The following RICTOR variants were observed in gnomAD, a reference collection of about 807,000 sequenced individuals.
RICTOR encodes the protein RPTOR independent companion of MTOR complex 2.
RICTOR carries 49 observed loss-of-function variants against 214.9 expected under a neutral mutation model. The ratio of observed to expected loss-of-function variants is 0.23; its 90% confidence interval spans 0.18 to 0.29. RICTOR has a LOEUF of 0.29. Ranked by LOEUF, RICTOR falls within the 10% of genes least tolerant of loss-of-function variation. RICTOR has a pLI of 1.00. For synonymous variants in RICTOR, 717 were observed against 711.3 expected (o/e 1.01, Z -0.13); for missense variants, 1,625 against 2,047.0 (o/e 0.79, Z 3.98).
chr5:39,046,491 C>T (rs1205457871), intron 2 of RICTOR, among the ~76,000 whole-genome samples: 1 of 144,084 alleles, frequency 6.9e-6, no homozygotes, highest in Admixed American at 7.0e-5. Flanking sequence ...ATTCTTACCT[C>T]ATCATCTCCT....
chr5:39,027,800 G>C (rs1002074620), intron 2 of RICTOR, among the ~76,000 whole-genome samples: 7 of 152,076 alleles, frequency 4.6e-5, no homozygotes, highest in African/African-American at 1.7e-4. Context: ...TTAGTATAAA[G>C]TTAATTATCT....
chr5:39,051,829 A>G (rs1204413576), intron 2 of RICTOR, among the ~76,000 whole-genome samples: 1 of 152,212 alleles, frequency 6.6e-6, no homozygotes, highest in East Asian at 1.9e-4. Context: ...TTAGGAATGT[A>G]TATTTTCAAA....
rs1217157165 is a variant in RICTOR at position 38,945,673 on chromosome 5, C to T, written c.4451G>A (p.Arg1484Gln). 1.9e-6 allele frequency: 3 copies of T among 1,613,858 alleles called. No homozygotes were observed. Among genetic ancestry groups the T allele is most frequent in the South Asian group, 1.1e-5 (1 of 91,074 alleles). ...TATTTCCGTAAGACTCATCTGCTGT[C>T]GTAGCAAGTGAAAAGAATTTTTTAC... ...GLVKNSFHLL[R>Q]QQMSLTEIMN... is the part of the protein sequence containing the mutation. Residue 1484 changes from arginine to glutamine, a missense_variant, in exon 34 of 38, where the codon CGA (arginine) becomes CAA (glutamine). Transcript: ENST00000357387.
chr5:39,044,065 T>C (rs1350002260), intron 2 of RICTOR, among the ~76,000 whole-genome samples: 1 of 152,204 alleles, frequency 6.6e-6, no homozygotes, highest in East Asian at 1.9e-4. Flanking sequence ...ATTTGACTTT[T>C]ACACAATGTA....
rs780472980 is a variant in RICTOR, at chr5:38,944,457, A to G, written c.4902T>C (p.Thr1634=). The G allele has an allele frequency of 2.5e-6, 4 of 1,602,614 alleles. No homozygotes were observed. The highest frequency in any genetic ancestry group is 3.4e-6 in the Non-Finnish European group (4 of 1,176,932). The part of the protein sequence containing the change: ...SSSVSTKCHE[T]GLLTIKEKYP... ...CATAGTTTACTCACGTTAAAAGCCCAGTCTCATGACATTTAGTTGAAACTG... is the reference window on the plus strand; with the variant it reads ...CATAGTTTACTCACGTTAAAAGCCCGGTCTCATGACATTTAGTTGAAACTG... Residue 1634 remains threonine (T), a synonymous_variant, in exon 36 of 38, where the codon ACT becomes ACC. Transcript: ENST00000357387.
intron 10 of RICTOR, among the ~76,000 whole-genome samples, chr5:38,972,237 C>G (rs956951119): frequency 5.3e-5 from 8 of 152,190 alleles, no homozygotes; most frequent in Non-Finnish European, 8.8e-5. Context: ...GCCTGATGAA[C>G]TCTTCTCTGG....
chr5:39,021,210 A>G, intron 2 of RICTOR, 74 bp from the exon 3 acceptor site: 3 of 836,436 alleles, frequency 3.6e-6, no homozygotes, highest in Middle Eastern at 2.3e-4. Context: ...AACATGCAGT[A>G]TTAAAACTTC....
chr5:38,987,371 T>C (rs1251839497), intron 7 of RICTOR, among the ~76,000 whole-genome samples: 1 of 152,208 alleles, frequency 6.6e-6, no homozygotes, highest in Non-Finnish European at 1.5e-5. Context: ...TTTTGGTTGG[T>C]AGACTATTAA....
chr5:38,958,937 T>C (rs1333206376), intron 22 of RICTOR, 106 bp from the exon 23 acceptor site: 2 of 829,430 alleles, frequency 2.4e-6, no homozygotes, highest in Non-Finnish European at 3.5e-6. Context: ...GAAGAATGCC[T>C]GGAATTGGTG....
At chr5:38,980,029 A>T (rs1751575712) in intron 8 of RICTOR, among the ~76,000 whole-genome samples, 1 of 152,136 alleles carries the variant, frequency 6.6e-6, no homozygotes, top group Non-Finnish European at 1.5e-5. Context: ...TCCTGTTCAA[A>T]CTGAATTTTA....
At position 38,954,866 on chromosome 5, in the gene RICTOR, T is replaced by C. The variant is rs1156477132; in HGVS notation, c.2610-5A>G. On this transcript the variant is annotated splice_region_variant and splice_polypyrimidine_tract_variant and intron_variant, in intron 26 of 37. Transcript: ENST00000357387. ...TAGACGTGAGGACGCTGTAATCTAG[T>C]ATAATAAAGATGATTACTATATCTC... The C allele has an allele frequency of 6.8e-7, 1 of 1,464,230 alleles. No individual in the cohort carries two copies. The highest frequency in any genetic ancestry group is 9.5e-7 in the Non-Finnish European group (1 of 1,048,572). The allele number at this position is 1,464,230 out of a possible 1,614,324, so 90.7% of individuals were successfully genotyped here.
intron 11 of RICTOR, 92 bp from the exon 12 acceptor site, chr5:38,968,122 A>T: frequency 6.8e-6 from 5 of 736,200 alleles, no homozygotes; most frequent in Non-Finnish European, 9.7e-6. Flanking sequence ...AATGATAAAA[A>T]CAGAACTATT....
rs1342077043 is a variant in RICTOR, at chr5:38,944,998, A to T, written c.4704T>A (p.Ser1568=). The part of the protein sequence containing the change: ...TIHNPLEVVP[S]KFSGISGCSD... ...TGCATCCAGAAATCCCCGAAAACTT[A>T]GAGGGAACCACTTCTAAAGGATTAT... The change falls in exon 35 of 38, where the codon TCT becomes TCA. Residue 1568 remains serine, a synonymous_variant. Transcript: ENST00000357387. 1 of 1,612,978 alleles carries T rather than the reference A, an allele frequency of 6.2e-7. No individual in the cohort carries two copies. Among genetic ancestry groups the T allele is most frequent in the Admixed American group, 1.7e-5 (1 of 60,022 alleles).
At chr5:39,033,411 G>A (rs1485849515) in intron 2 of RICTOR, among the ~76,000 whole-genome samples, 1 of 152,000 alleles carries the variant, frequency 6.6e-6, no homozygotes, top group Non-Finnish European at 1.5e-5. Flanking sequence ...TTACAGGTGT[G>A]TGCCACCACG....
chr5:39,027,402 T>G (rs757650141), intron 2 of RICTOR, among the ~76,000 whole-genome samples: 7 of 151,990 alleles, frequency 4.6e-5, no homozygotes, highest in Non-Finnish European at 8.8e-5. Context: ...TGAAAAAAAA[T>G]GAAGACTTCC....
intron 3 of RICTOR, among the ~76,000 whole-genome samples, chr5:39,016,504 G>A (rs529780939): frequency 1.3e-4 from 19 of 151,780 alleles, no homozygotes; most frequent in Non-Finnish European, 2.1e-4. Context: ...GAGGTGGAGC[G>A]AATAACTTAG....
At chr5:38,975,736 A>AC in intron 9 of RICTOR, 132 bp from the exon 10 acceptor site, 1 of 647,984 alleles carries the variant, frequency 1.5e-6, no homozygotes, top group Non-Finnish European at 2.7e-6. Flanking sequence ...AAAACAAGAC[A>AC]AAGATCAGAT....
chr5:38,959,294 G>A lies in RICTOR; in HGVS notation c.2079C>T (p.Asn693=). 1 of 1,574,734 alleles carries A rather than the reference G, an allele frequency of 6.4e-7. No individual in the cohort carries two copies. ...CAGTAAGTTTTAGCAAGTGATCTTG[G>A]TTTTTCAAGGAGCAAAGATTAAGGA... ...QCLLNLCSLK[N]QDHLLKLTVS... is the part of the protein sequence containing the mutation. Residue 693 remains asparagine (N), a synonymous_variant, in exon 22 of 38, where the codon AAC becomes AAT. Transcript: ENST00000357387.
At chr5:39,072,664 G>C (rs1759402703) in intron 2 of RICTOR, among the ~76,000 whole-genome samples, 1 of 152,106 alleles carries the variant, frequency 6.6e-6, no homozygotes, top group Non-Finnish European at 1.5e-5. Context: ...TCACATGTGT[G>C]TTATAGTCAA....
Sources: allele counts gnomAD v4.1 joint callset (sites outside exome capture counted in the v4.1 genomes callset), GRCh38; gene constraint gnomAD v4.1.1; transcripts MANE v1.5; gene names NCBI Gene and HGNC (gene_info 2026-07-23, HGNC 2026-07-21).